SPRED2: variants seen among roughly 807,000 people sequenced by gnomAD.
SPRED2 encodes sprouty-related, EVH1 domain-containing protein 2.
In SPRED2, 47 loss-of-function variants were observed where a neutral mutation model predicts 43.0. That is an observed-to-expected ratio of 1.09 (90% CI 0.87 to 1.40). The LOEUF (loss-of-function observed/expected upper bound fraction) is 1.40, where lower values mean the gene tolerates loss of function less well. SPRED2 is among the 40% of genes most tolerant of loss of function. The probability of loss-of-function intolerance (pLI) is 0.00; values close to 1 mark genes in which losing one functional copy is unlikely to be tolerated. For synonymous variants in SPRED2, 225 were observed against 225.7 expected (o/e 1.00, Z 0.03); for missense variants, 561 against 586.4 (o/e 0.96, Z 0.45).
chr2:65,385,348 C>T (rs1675470116), intron 1 of SPRED2, among the ~76,000 whole-genome samples: 1 of 152,184 alleles, frequency 6.6e-6, no homozygotes, highest in Admixed American at 6.5e-5. Flanking sequence ...TTAAAAATTT[C>T]CTAAGATTTC....
chr2:65,308,071 G>A (rs905521333), downstream of SPRED2, among the ~76,000 whole-genome samples: 2 of 152,000 alleles, frequency 1.3e-5, no homozygotes, highest in African/African-American at 2.4e-5. Context: ...TTTTTCCCCT[G>A]GGAAGTGTCC....
rs1673082649 is a variant in SPRED2, at chr2:65,311,995, A to T, written c.*1506T>A. ...CTACCACAGAAAGATCGTGGCGGGA[A>T]GAACAGCCGGCGTCCGCAAGCCTGT... On this transcript the variant is annotated 3_prime_UTR_variant, in exon 6 of 6. Transcript: ENST00000356388. 2 of 985,206 alleles carry T rather than the reference A, an allele frequency of 2.0e-6. No individual in the cohort carries two copies. Among genetic ancestry groups the T allele is most frequent in the African/African-American group, 3.5e-5 (2 of 57,228 alleles). 61.0% of individuals were successfully genotyped at this position (985,206 alleles called of 1,614,324 possible).
chr2:65,337,874 TA>T (rs778888594), intron 2 of SPRED2, among the ~76,000 whole-genome samples: 1 of 152,232 alleles, frequency 6.6e-6, no homozygotes, highest in African/African-American at 2.4e-5. Flanking sequence ...TCCTGGTACT[TA>T]AAGACTTTTC....
At chr2:65,335,282 C>T (rs996789407) in intron 2 of SPRED2, among the ~76,000 whole-genome samples, 23 of 152,220 alleles carry the variant, frequency 1.5e-4, no homozygotes, top group African/African-American at 5.1e-4. Flanking sequence ...TGCCTATCTC[C>T]TGTATTATTA....
intron 4 of SPRED2, among the ~76,000 whole-genome samples, chr2:65,325,235 G>C (rs891257471): frequency 6.6e-6 from 1 of 152,160 alleles, no homozygotes; most frequent in African/African-American, 2.4e-5. Context: ...AGGAACACAA[G>C]GGCTGACTGC....
intron 1 of SPRED2, among the ~76,000 whole-genome samples, chr2:65,351,592 C>G (rs990216840): frequency 3.7e-4 from 57 of 152,216 alleles, no homozygotes; most frequent in Non-Finnish European, 7.3e-4. Context: ...GGCACACTCA[C>G]TTTATTTTAA....
chr2:65,340,046 C>T (rs1674134039), intron 2 of SPRED2, among the ~76,000 whole-genome samples: 1 of 152,130 alleles, frequency 6.6e-6, no homozygotes, highest in Admixed American at 6.5e-5. Flanking sequence ...AAACATAAAG[C>T]CATGCCACTC....
intron 1 of SPRED2, among the ~76,000 whole-genome samples, chr2:65,395,311 T>G (rs1041673893): frequency 3.3e-5 from 5 of 152,140 alleles, no homozygotes; most frequent in African/African-American, 1.2e-4. Context: ...GGGCAGAGTG[T>G]CCCAACCTGA....
chr2:65,346,442 C>A lies in SPRED2; in HGVS notation c.27-1546G>T, dbSNP rs143912510. On this transcript the variant is annotated intron_variant, in intron 1 of 5. Transcript: ENST00000356388. ...CACCCACACTGTTGGGCAACCATCA[C>A]CCCTTTCTACCTCTAGAACTTTTCG... 2.7e-3 allele frequency among the ~76,000 whole-genome samples: 418 copies of A among 152,158 alleles called. 3 individuals are homozygous for A. The highest frequency in any genetic ancestry group is 9.2e-3 in the African/African-American group (382 of 41,474).
At chr2:65,361,057 CT>C (rs1169543976) in intron 1 of SPRED2, among the ~76,000 whole-genome samples, 1 of 152,090 alleles carries the variant, frequency 6.6e-6, no homozygotes, top group African/African-American at 2.4e-5. Context: ...TTAAAAAATT[CT>C]TTTAAAAGAA....
At chr2:65,309,307 G>T (rs1673008476), downstream of SPRED2, among the ~76,000 whole-genome samples, 5 of 151,902 alleles carry the variant, frequency 3.3e-5, no homozygotes, top group South Asian at 1.0e-3. Context: ...GTCAGGACCA[G>T]CCTGGGCAAC....
At chr2:65,320,807 GA>G (rs1159543159) in intron 4 of SPRED2, among the ~76,000 whole-genome samples, 2 of 152,044 alleles carry the variant, frequency 1.3e-5, no homozygotes, top group East Asian at 3.9e-4. Context: ...AGGCAAAGGG[GA>G]AAAAAAATCT....
intron 1 of SPRED2, among the ~76,000 whole-genome samples, chr2:65,383,313 C>T (rs1399862192): frequency 2.6e-5 from 4 of 152,158 alleles, no homozygotes; most frequent in Non-Finnish European, 5.9e-5. Flanking sequence ...CTCTAGTTCC[C>T]TTGTCTGTGA....
At chr2:65,323,675 G>C (rs908322529) in intron 4 of SPRED2, among the ~76,000 whole-genome samples, 2 of 151,898 alleles carry the variant, frequency 1.3e-5, no homozygotes, top group Non-Finnish European at 2.9e-5. Context: ...AGGAGATCGA[G>C]ACCATTCTGG....
intron 1 of SPRED2, among the ~76,000 whole-genome samples, chr2:65,407,101 G>C (rs984826187): frequency 7.2e-5 from 11 of 151,852 alleles, no homozygotes; most frequent in African/African-American, 2.2e-4. Context: ...CTAATTTTTT[G>C]TATTTTTAGT....
intron 1 of SPRED2, among the ~76,000 whole-genome samples, chr2:65,416,265 C>G (rs947718732): frequency 6.6e-6 from 1 of 152,142 alleles, no homozygotes; most frequent in African/African-American, 2.4e-5. Context: ...CCCCAAGCAA[C>G]CTCAGATATG....
chr2:65,311,255 T>C lies in SPRED2; in HGVS notation c.*2246A>G. ...ACACTGTTCAGCTGCAGTGTGGCAA[T>C]TAGAGACGTATTTACATAAATGTCC... On this transcript the variant is annotated 3_prime_UTR_variant, in exon 6 of 6. Coordinates refer to ENST00000356388, the MANE Select transcript of SPRED2 (RefSeq NM_181784.3). 3.0e-6 allele frequency: 3 copies of C among 985,866 alleles called. No individual in the cohort carries two copies. Among genetic ancestry groups the C allele is most frequent in the Non-Finnish European group, 3.6e-6 (3 of 829,934 alleles). 61.1% of individuals were successfully genotyped at this position (985,866 alleles called of 1,614,324 possible).
At chr2:65,331,463 C>T (rs767786675) in intron 4 of SPRED2, among the ~76,000 whole-genome samples, 3 of 152,164 alleles carry the variant, frequency 2.0e-5, no homozygotes, top group African/African-American at 4.8e-5. Context: ...CCCTTTCCTG[C>T]GTTAGCACAC....
intron 1 of SPRED2, among the ~76,000 whole-genome samples, chr2:65,413,704 G>A (rs1676213384): frequency 6.6e-6 from 1 of 152,186 alleles, no homozygotes. Flanking sequence ...ATCCTTCTCA[G>A]CTCCCTTGAT....
Sources: allele counts gnomAD v4.1 joint callset (sites outside exome capture counted in the v4.1 genomes callset), GRCh38; gene constraint gnomAD v4.1.1; transcripts MANE v1.5; gene names NCBI Gene and HGNC (gene_info 2026-07-23, HGNC 2026-07-21).